Variants in CSGALNACT1 observed in about 807,000 individuals in gnomAD.
CSGALNACT1 encodes the protein chondroitin sulfate N-acetylgalactosaminyltransferase 1.
Under a neutral mutation model 51.0 loss-of-function variants are expected in CSGALNACT1, and 52 were observed. The observed-to-expected ratio is 1.02, with a 90% CI of 0.82 to 1.29. CSGALNACT1 has a LOEUF of 1.29. CSGALNACT1 is among the 50% of genes most tolerant of loss of function. The pLI is 0.00. For synonymous variants in CSGALNACT1, 341 were observed against 254.4 expected, an observed-to-expected ratio of 1.34 and a Z score of -3.24; for missense variants, 935 against 679.2, an observed-to-expected ratio of 1.38 and a Z score of -4.19.
intron 1 of CSGALNACT1, among the ~76,000 whole-genome samples, chr8:19,753,874 A>T (rs1173009317): frequency 1.3e-5 from 2 of 152,350 alleles, no homozygotes; most frequent in East Asian, 1.9e-4. Context: ...AAATAAAAAC[A>T]CCTTGGAGTT....
chr8:19,638,828 G>C (rs1317893872), intron 1 of CSGALNACT1, among the ~76,000 whole-genome samples: 1 of 151,816 alleles, frequency 6.6e-6, no homozygotes, highest in African/African-American at 2.4e-5. Context: ...AAATTCAATA[G>C]ATGATCATTA....
chr8:19,643,637 TAA>T (rs35567016), intron 1 of CSGALNACT1, among the ~76,000 whole-genome samples: 39 of 141,952 alleles, frequency 2.7e-4, no homozygotes, highest in South Asian at 4.5e-4. Context: ...GACACCATCT[TAA>T]AAAAAAAAAA....
Position 19,545,977 on chromosome 8 carries a change from G to A in CSGALNACT1, c.-296-39847C>T, listed in dbSNP as rs1021819945. On this transcript the variant is annotated intron_variant, in intron 3 of 9. Transcript: ENST00000454498. ...TCACAATTTGCAAACTGCATGTATA[G>A]TTATAGTGTGTGATTCCTCCACAGA... Among the ~76,000 whole-genome samples, 5 of 151,714 alleles carry A rather than the reference G, an allele frequency of 3.3e-5. No homozygotes were observed. In the East Asian group the frequency reaches 5.8e-4, roughly 18 times the overall value.
At chr8:19,711,870 T>C (rs1297258988) in intron 1 of CSGALNACT1, among the ~76,000 whole-genome samples, 4 of 152,210 alleles carry the variant, frequency 2.6e-5, no homozygotes, top group Non-Finnish European at 5.9e-5. Flanking sequence ...CAGGCACTAC[T>C]GGGATGGTCA....
intron 1 of CSGALNACT1, among the ~76,000 whole-genome samples, chr8:19,616,476 C>T (rs561179949): frequency 6.6e-6 from 1 of 152,224 alleles, no homozygotes; most frequent in African/African-American, 2.4e-5. Flanking sequence ...TATTTTCATC[C>T]AAGGACTGGC....
At chr8:19,745,526 G>C (rs187415685) in intron 1 of CSGALNACT1, among the ~76,000 whole-genome samples, 53 of 152,228 alleles carry the variant, frequency 3.5e-4, no homozygotes, top group African/African-American at 1.3e-3. Flanking sequence ...GAAGTACAGA[G>C]AAAAAAGGAT....
intron 8 of CSGALNACT1, among the ~76,000 whole-genome samples, chr8:19,418,369 C>T (rs1426786730): frequency 1.3e-5 from 2 of 152,138 alleles, no homozygotes; most frequent in African/African-American, 4.8e-5. Flanking sequence ...TGTACTGCAT[C>T]CATAATGCAA....
intron 3 of CSGALNACT1, among the ~76,000 whole-genome samples, chr8:19,558,357 T>G (rs953003730): frequency 2.0e-5 from 3 of 152,200 alleles, no homozygotes; most frequent in Non-Finnish European, 4.4e-5. Flanking sequence ...AGGAACCCTC[T>G]TCATGGCTGG....
intron 1 of CSGALNACT1, among the ~76,000 whole-genome samples, chr8:19,613,753 G>C (rs941046758): frequency 1.2e-4 from 18 of 152,182 alleles, no homozygotes; most frequent in African/African-American, 4.3e-4. Context: ...CTCTCCAAAA[G>C]AGGTATTAGC....
chr8:19,667,095 G>A (rs1016357797), intron 1 of CSGALNACT1, among the ~76,000 whole-genome samples: 1 of 119,786 alleles, frequency 8.3e-6, no homozygotes. Context: ...AAGAAAGAAA[G>A]AAAGGGAAAG....
intron 4 of CSGALNACT1, among the ~76,000 whole-genome samples, chr8:19,473,228 T>C (rs2068623299): frequency 6.6e-6 from 1 of 152,346 alleles, no homozygotes; most frequent in African/African-American, 2.4e-5. Context: ...GTCAAGGCAA[T>C]GTTTTAGCAA....
rs184574653 is a variant in CSGALNACT1 at position 19,554,981 on chromosome 8, T to A, written c.-297+36179A>T. On this transcript the variant is annotated intron_variant, in intron 3 of 9. Transcript: ENST00000454498. ...TGAGCCGGGCGTGGTGGCTCATGCC[T>A]GTAATCCCAGCATTTAGGGACGCCG... Among the ~76,000 whole-genome samples, 18 of 151,736 alleles carry A rather than the reference T, an allele frequency of 1.2e-4. No homozygotes were observed. In the East Asian group the frequency reaches 3.5e-3, roughly 29 times the overall value.
At position 19,458,162 on chromosome 8, in the gene CSGALNACT1, A is replaced by T. The variant is rs73585532; in HGVS notation, c.851+264T>A. 2.4e-3 allele frequency among the ~76,000 whole-genome samples: 359 copies of T among 152,352 alleles called. 1 individual carries two copies. The highest frequency in any genetic ancestry group is 6.8e-3 in the African/African-American group (282 of 41,578). ...GCAAGTCAGAATGAACATAACAGGC[A>T]TTCAGTCATCTTTGTAGATCCTGGT... On this transcript the variant is annotated intron_variant, in intron 5 of 9. Coordinates refer to ENST00000454498, the Ensembl canonical transcript of CSGALNACT1.
chr8:19,418,975 T>C (rs993364983), intron 7 of CSGALNACT1, among the ~76,000 whole-genome samples: 2 of 152,054 alleles, frequency 1.3e-5, no homozygotes, highest in Non-Finnish European at 2.9e-5. Flanking sequence ...GCCTCTTGAG[T>C]AGCTGAGATT....
chr8:19,414,899 C>T (rs1315460557), intron 8 of CSGALNACT1, among the ~76,000 whole-genome samples: 1 of 152,120 alleles, frequency 6.6e-6, no homozygotes, highest in African/African-American at 2.4e-5. Flanking sequence ...CAGAACGTAC[C>T]CTTAGTAGGA....
Position 19,757,021 on chromosome 8 carries a change from G to A in CSGALNACT1, c.-297+829C>T, listed in dbSNP as rs192458675. Among the ~76,000 whole-genome samples, 1,484 of 151,040 alleles carry A rather than the reference G, an allele frequency of 9.8e-3. 18 individuals are homozygous for A. Among genetic ancestry groups the A allele is most frequent in the Non-Finnish European group, 0.014 (914 of 67,618 alleles). On this transcript the variant is annotated intron_variant, in intron 1 of 1. Transcript: ENST00000517494. This position sits in a 1 kb window ranked among gnomAD's most constrained non-coding sequence, Gnocchi z 4.0. Reference sequence around the variant, plus strand: ...GGGCCCCCGGCGGGCAGCGGCGGAGGGAGGCCAGGCGCGGCACCGTCCTCC... The same window carrying A: ...GGGCCCCCGGCGGGCAGCGGCGGAGAGAGGCCAGGCGCGGCACCGTCCTCC...
At chr8:19,669,300 C>A (rs2059610099) in intron 1 of CSGALNACT1, among the ~76,000 whole-genome samples, 1 of 152,222 alleles carries the variant, frequency 6.6e-6, no homozygotes, top group Non-Finnish European at 1.5e-5. Context: ...AAACAACTTT[C>A]TCTTCAATTT....
At chr8:19,721,079 G>T (rs556430549) in intron 1 of CSGALNACT1, among the ~76,000 whole-genome samples, 1 of 152,190 alleles carries the variant, frequency 6.6e-6, no homozygotes, top group Non-Finnish European at 1.5e-5. Context: ...AGTATAGCCA[G>T]CCCTCTCCTT....
chr8:19,508,927 T>C (rs895976827), intron 3 of CSGALNACT1, among the ~76,000 whole-genome samples: 20 of 152,226 alleles, frequency 1.3e-4, no homozygotes, highest in African/African-American at 4.8e-4. Flanking sequence ...AGTTTGGCTT[T>C]TGAAATTCAC....
Sources: gnomAD v4.1 joint callset for allele counts (sites outside exome capture counted in the v4.1 genomes callset) on GRCh38, gnomAD v4.1.1 for gene constraint, Gnocchi (gnomAD v3.1) non-coding constraint, MANE v1.5 for transcripts, NCBI Gene and HGNC (gene_info 2026-07-23, HGNC 2026-07-21) for gene names.